Variants in ANKS1A observed in about 807,000 individuals in gnomAD.
ANKS1A encodes the protein ankyrin repeat and sterile alpha motif domain containing 1A, also known as ankyrin repeat and SAM domain-containing protein 1A.
In ANKS1A, 55 loss-of-function variants were observed where a neutral mutation model predicts 120.3. The ratio of observed to expected loss-of-function variants is 0.46; its 90% CI spans 0.37 to 0.57. The LOEUF (loss-of-function observed/expected upper bound fraction) is 0.57. ANKS1A is among the 20% of genes least tolerant of loss of function. The pLI is 0.00. For synonymous variants in ANKS1A, 590 were observed against 604.7 expected (o/e 0.98, Z 0.36); for missense variants, 1,123 against 1,480.3 (o/e 0.76, Z 3.96).
chr6:35,079,958 ATGTT>A (rs1398212983), intron 16 of ANKS1A, 30 bp downstream of exon 16: 2 of 1,546,588 alleles, frequency 1.3e-6, no homozygotes, highest in East Asian at 4.9e-5. Context: ...AAAGGAATGT[ATGTT>A]TGTTCCCTGT....
In ANKS1A at chr6:35,044,558, C is replaced by T. The variant is rs893609205; in HGVS notation, c.2011-9541C>T. Among the ~76,000 whole-genome samples, 1 of 152,290 alleles carries T rather than the reference C, an allele frequency of 6.6e-6. No homozygotes were observed. Among genetic ancestry groups the T allele is most frequent in the Non-Finnish European group, 1.5e-5 (1 of 68,026 alleles). On this transcript the variant is annotated intron_variant, in intron 11 of 23. Coordinates refer to ENST00000360359, the MANE Select transcript of ANKS1A (RefSeq NM_015245.3). The surrounding 1 kb of genome is among the most constrained non-coding windows in gnomAD (Gnocchi z 4.4). ...CACTTTGGTATTGTCTTGGATCCTC[C>T]GGTTTGCTTCGCGCCCCAAGAGCTG...
chr6:35,000,297 T>G (rs1416581739), intron 10 of ANKS1A, among the ~76,000 whole-genome samples: 1 of 151,578 alleles, frequency 6.6e-6, no homozygotes, highest in South Asian at 2.1e-4. Flanking sequence ...TAATTTAGAC[T>G]AAACAAGGTC....
intron 11 of ANKS1A, among the ~76,000 whole-genome samples, chr6:35,052,468 A>T (rs1261276215): frequency 6.6e-6 from 1 of 151,132 alleles, no homozygotes; most frequent in African/African-American, 2.4e-5. Flanking sequence ...AATAAAAATT[A>T]AAAAAAATAG....
Position 35,082,322 on chromosome 6 carries a change from G to A in ANKS1A, c.2710-369G>A. ...GTCCCAAGGCGTCCCAGGGTCTCGT[G>A]GGCGCTGTTCTCTCCTTTGGTCTTT... is the stretch of plus-strand genomic sequence containing the variant. On this transcript the variant is annotated intron_variant, in intron 17 of 23. Coordinates refer to ENST00000360359, the MANE Select transcript of ANKS1A (RefSeq NM_015245.3). This position sits in a 1 kb window ranked among gnomAD's most constrained non-coding sequence, Gnocchi z 4.1. Among the ~76,000 whole-genome samples the A allele has an allele frequency of 6.6e-6, 1 of 151,978 alleles. No homozygotes were observed. The highest frequency in any genetic ancestry group is 1.5e-5 in the Non-Finnish European group (1 of 67,974).
intron 13 of ANKS1A, chr6:35,070,962 T>A (rs966705046): frequency 3.7e-5 from 22 of 594,978 alleles, no homozygotes; most frequent in African/African-American, 3.2e-4. Flanking sequence ...CCAACCACTT[T>A]CCAGGGTTTC....
chr6:34,962,925 G>C (rs1770716634), intron 1 of ANKS1A, among the ~76,000 whole-genome samples: 1 of 148,698 alleles, frequency 6.7e-6, no homozygotes, highest in African/African-American at 2.5e-5. Context: ...ACAATGGCAC[G>C]ATCTCGGCTC....
In ANKS1A at chr6:34,891,467, AT is replaced by A. The variant is rs554368925; in HGVS notation, c.197+1869del. Among the ~76,000 whole-genome samples, 10 of 152,250 alleles carry A rather than the reference AT, an allele frequency of 6.6e-5. No individual in the cohort carries two copies. The South Asian group carries it at 1.9e-3, about 28-fold the overall frequency. ...CTGGATTTGCCACTCTGCAGTTCTG[AT>A]GTCTGAGAGGTGACAAGACTGTACA... On this transcript the variant is annotated intron_variant, in intron 1 of 23. Transcript: ENST00000360359.
At chr6:34,917,868 G>A (rs1768241370) in intron 1 of ANKS1A, among the ~76,000 whole-genome samples, 1 of 152,108 alleles carries the variant, frequency 6.6e-6, no homozygotes, top group African/African-American at 2.4e-5. Context: ...CAGAACTCTG[G>A]GATTGTACAA....
chr6:35,059,868 G>GC (rs1345098083), intron 12 of ANKS1A, among the ~76,000 whole-genome samples: 9 of 152,218 alleles, frequency 5.9e-5, no homozygotes, highest in Non-Finnish European at 1.2e-4. Flanking sequence ...GATCATGCAT[G>GC]TGCAGCCGTG....
intron 13 of ANKS1A, among the ~76,000 whole-genome samples, chr6:35,068,541 C>T (rs900517340): frequency 3.9e-5 from 6 of 152,314 alleles, no homozygotes; most frequent in South Asian, 2.1e-4. Flanking sequence ...TCTTGGTTAG[C>T]GGAATCTGCC....
chr6:34,975,459 A>AT (rs397746147), intron 3 of ANKS1A, among the ~76,000 whole-genome samples: 1 of 149,240 alleles, frequency 6.7e-6, no homozygotes, highest in African/African-American at 2.5e-5. Flanking sequence ...AAAAAAAAAA[A>AT]CAACAAAAAA....
intron 10 of ANKS1A, among the ~76,000 whole-genome samples, chr6:35,014,782 C>T (rs576847146): frequency 2.1e-4 from 32 of 152,312 alleles, no homozygotes; most frequent in African/African-American, 7.5e-4. Context: ...CAAATATAGT[C>T]AGAGGGACAT....
At chr6:35,059,168 G>A (rs953941759) in intron 12 of ANKS1A, among the ~76,000 whole-genome samples, 8 of 152,220 alleles carry the variant, frequency 5.3e-5, no homozygotes, top group African/African-American at 1.7e-4. Context: ...ATCAGAAGAG[G>A]AAAATGAATG....
chr6:35,036,164 C>CTT (rs1448773524), intron 11 of ANKS1A, among the ~76,000 whole-genome samples: 2 of 152,188 alleles, frequency 1.3e-5, no homozygotes, highest in Non-Finnish European at 2.9e-5. Context: ...TTGGCAGCAC[C>CTT]TTTAATTGTG....
chr6:35,008,120 C>G (rs1013016749), intron 10 of ANKS1A, among the ~76,000 whole-genome samples: 1 of 152,168 alleles, frequency 6.6e-6, no homozygotes, highest in Admixed American at 6.5e-5. Flanking sequence ...AAAATAAATA[C>G]CCAGGAGTAT....
In ANKS1A at chr6:34,982,604, C is replaced by A; in HGVS notation, c.733-148C>A. The A allele has an allele frequency of 1.2e-6, 1 of 848,320 alleles. No individual in the cohort carries two copies. The highest frequency in any genetic ancestry group is 1.9e-6 in the Non-Finnish European group (1 of 531,974). 52.5% of individuals were successfully genotyped at this position (848,320 alleles called of 1,614,324 possible). A position where few individuals can be genotyped will look rare whatever the true frequency, so the allele number is the denominator to read the frequency against. ...GCCATGATCGTGGTTTTGGAATCCA[C>A]ACAAGAAAAGCTGGAAAGATAATGA... is the stretch of plus-strand genomic sequence containing the variant. On this transcript the variant is annotated intron_variant, in intron 4 of 23. Transcript: ENST00000360359. This position sits in a 1 kb window ranked among gnomAD's most constrained non-coding sequence, Gnocchi z 4.9.
intron 11 of ANKS1A, among the ~76,000 whole-genome samples, chr6:35,047,953 G>C (rs1044448497): frequency 2.0e-5 from 3 of 152,214 alleles, no homozygotes; most frequent in Non-Finnish European, 4.4e-5. Flanking sequence ...CTGAGTCAGG[G>C]AAAGGGCCAG....
chr6:34,894,511 G>C (rs1345687525), intron 1 of ANKS1A, among the ~76,000 whole-genome samples: 3 of 152,086 alleles, frequency 2.0e-5, no homozygotes, highest in South Asian at 4.1e-4. Flanking sequence ...CATTAGCCAG[G>C]CGTGATGGTG....
intron 1 of ANKS1A, among the ~76,000 whole-genome samples, chr6:34,936,203 G>A (rs1042139846): frequency 3.3e-5 from 5 of 152,200 alleles, no homozygotes; most frequent in Non-Finnish European, 5.9e-5. Flanking sequence ...TGCATTGAAA[G>A]AGTACACATT....
Sources: allele counts gnomAD v4.1 joint callset (sites outside exome capture counted in the v4.1 genomes callset), GRCh38; gene constraint gnomAD v4.1.1; non-coding constraint Gnocchi (gnomAD v3.1); transcripts MANE v1.5; gene names NCBI Gene and HGNC (gene_info 2026-07-23, HGNC 2026-07-21).